APC: variants seen among roughly 807,000 people sequenced by gnomAD.
APC encodes adenomatous polyposis coli protein.
In APC, 72 loss-of-function variants were observed where a neutral mutation model predicts 247.0. The ratio of observed to expected loss-of-function variants is 0.29; its 90% CI spans 0.24 to 0.35. APC has a LOEUF of 0.35. APC is among the 10% of genes least tolerant of loss of function. The pLI, the probability that APC is intolerant of heterozygous loss-of-function variation, is 1.00. For missense variants in APC, 3,400 were observed against 3,360.7 expected (o/e 1.01, Z -0.29); for synonymous variants, 1,254 against 1,162.5 (o/e 1.08, Z -1.60).
intron 4 of APC, among the ~76,000 whole-genome samples, chr5:112,774,464 A>ATT (rs35554771): frequency 0.37 from 44,630 of 121,080 alleles, 10,097 homozygotes; most frequent in East Asian, 0.6. Flanking sequence ...TGCAAGATCG[A>ATT]TTTTTTTTTT....
At chr5:112,707,743 C>T (rs1342657032) in exon 1 of APC, 2 of 1,370,650 alleles carry the variant, frequency 1.5e-6, no homozygotes, top group Non-Finnish European at 1.9e-6. Context: ...GGCTCGGGTC[C>T]GGTCGCCCCT....
At chr5:112,757,914 T>G (rs944170390) in intron 2 of APC, among the ~76,000 whole-genome samples, 1 of 152,146 alleles carries the variant, frequency 6.6e-6, no homozygotes, top group African/African-American at 2.4e-5. Context: ...AGTATAATGA[T>G]ATTATTGTGT....
At chr5:112,726,557 G>T (rs777575890) in intron 1 of APC, among the ~76,000 whole-genome samples, 3 of 152,128 alleles carry the variant, frequency 2.0e-5, no homozygotes, top group Non-Finnish European at 4.4e-5. Flanking sequence ...AGGATAAGGG[G>T]ACATGGCAGA....
At chr5:112,717,697 T>C (rs573009153) in intron 1 of APC, among the ~76,000 whole-genome samples, 114 of 152,250 alleles carry the variant, frequency 7.5e-4, no homozygotes, top group Non-Finnish European at 1.4e-3. Context: ...GCTTTGGCTT[T>C]CTGTTTTACT....
chr5:112,770,342 C>A (rs963925380), intron 4 of APC, among the ~76,000 whole-genome samples: 1 of 152,070 alleles, frequency 6.6e-6, no homozygotes, highest in Non-Finnish European at 1.5e-5. Flanking sequence ...TTATATAATA[C>A]CACTGTAAGT....
At chr5:112,737,193 A>G (rs1752446323), upstream of APC, among the ~76,000 whole-genome samples, 2 of 152,138 alleles carry the variant, frequency 1.3e-5, no homozygotes, top group African/African-American at 4.8e-5. Context: ...TAAATACTTC[A>G]TATATATTAA....
At chr5:112,730,779 G>A (rs1752060037) in intron 1 of APC, among the ~76,000 whole-genome samples, 1 of 152,030 alleles carries the variant, frequency 6.6e-6, no homozygotes, top group African/African-American at 2.4e-5. Flanking sequence ...GGTTAAGTGA[G>A]AAATGTTAAT....
rs1754306849 is a variant in APC, at chr5:112,751,079, G to A, written c.-18-3794G>A. On this transcript the variant is annotated intron_variant, in intron 1 of 15. Coordinates refer to ENST00000257430, the MANE Select transcript of APC (RefSeq NM_000038.6). ...GTTGATCTATTCATGTACTGGTATT[G>A]TAGCTTTTTAAAAAACTTTTAATTT... Among the ~76,000 whole-genome samples, 5 of 152,036 alleles carry A rather than the reference G, an allele frequency of 3.3e-5. No individual in the cohort carries two copies. In the South Asian group the frequency reaches 1.0e-3, roughly 32 times the overall value.
intron 1 of APC, among the ~76,000 whole-genome samples, chr5:112,708,914 A>G (rs991491904): frequency 3.9e-5 from 6 of 152,190 alleles, no homozygotes; most frequent in African/African-American, 1.2e-4. Context: ...GTCCTAAATA[A>G]CGTAGTACCT....
chr5:112,717,902 C>CTTTTT (rs1289888067), intron 1 of APC, among the ~76,000 whole-genome samples: 3 of 22,300 alleles, frequency 1.3e-4, no homozygotes, highest in African/African-American at 4.6e-4. Flanking sequence ...TTTTCTTTTT[C>CTTTTT]TTTTTCTTTT....
intron 7 of APC, among the ~76,000 whole-genome samples, chr5:112,796,830 C>T (rs1331161919): frequency 6.6e-6 from 1 of 151,568 alleles, no homozygotes; most frequent in Non-Finnish European, 1.5e-5. Flanking sequence ...TTAGTTCTTT[C>T]CCCCCCATCT....
intron 6 of APC, among the ~76,000 whole-genome samples, chr5:112,783,516 G>A (rs1303593353): frequency 6.6e-6 from 1 of 151,772 alleles, no homozygotes; most frequent in Non-Finnish European, 1.5e-5. Context: ...AACCATGCCA[G>A]GCATGGTGAT....
At chr5:112,776,986 A>G (rs759796190) in intron 5 of APC, among the ~76,000 whole-genome samples, 15 of 152,240 alleles carry the variant, frequency 9.9e-5, no homozygotes, top group Admixed American at 2.0e-4. Flanking sequence ...AGCAATGGTA[A>G]CATTTTTCAT....
At chr5:112,806,183 T>G (rs981255256) in intron 8 of APC, among the ~76,000 whole-genome samples, 1 of 152,226 alleles carries the variant, frequency 6.6e-6, no homozygotes, top group Non-Finnish European at 1.5e-5. Context: ...ACAGATCAAA[T>G]CTCACTACCA....
chr5:112,799,257 C>T (rs1267870474), intron 7 of APC, among the ~76,000 whole-genome samples: 1 of 151,480 alleles, frequency 6.6e-6, no homozygotes, highest in East Asian at 1.9e-4. Context: ...ATCTGTTCCT[C>T]CTAAGCCCTC....
intron 1 of APC, among the ~76,000 whole-genome samples, chr5:112,727,684 CTT>C (rs950365133): frequency 5.9e-5 from 9 of 151,996 alleles, no homozygotes; most frequent in African/African-American, 2.2e-4. Context: ...GGGAAAAAGA[CTT>C]TAAAAAAATC....
rs587780600 is a variant in APC, at chr5:112,841,395, C to T, written c.5801C>T (p.Pro1934Leu). The change falls in exon 16 of 16, where the codon CCC becomes CTC. Residue 1934 changes from proline (P) to leucine (L), a missense_variant. Around this residue, in one of 9 missense-constraint regions of APC, gnomAD observed 1,788 missense variants for 1,649.5 expected, o/e 1.08. Coordinates refer to ENST00000257430, the MANE Select transcript of APC (RefSeq NM_000038.6). The surrounding 1 kb of genome is among the most constrained non-coding windows in gnomAD (Gnocchi z 4.6). ...ATACTTCAGAAACAATCCACTTTTC[C>T]CCAGTCATCCAAAGACATACCAGAC... The part of the protein sequence containing the change: ...KPILQKQSTF[P>L]QSSKDIPDRG... 1.4e-4 allele frequency: 222 copies of T among 1,613,812 alleles called. No individual in the cohort carries two copies. The highest frequency in any genetic ancestry group is 3.3e-4 in the Admixed American group (20 of 60,014).
chr5:112,784,250 T>G (rs1324161848), intron 6 of APC, among the ~76,000 whole-genome samples: 1 of 152,172 alleles, frequency 6.6e-6, no homozygotes, highest in African/African-American at 2.4e-5. Flanking sequence ...GTATTTTTAG[T>G]AGAAACAGGG....
chr5:112,750,174 A>T (rs969610948), intron 1 of APC, among the ~76,000 whole-genome samples: 1 of 151,296 alleles, frequency 6.6e-6, no homozygotes. Context: ...TGTTGGCCAG[A>T]CTGGTCTTGA....
Sources: gnomAD v4.1 joint callset for allele counts (sites outside exome capture counted in the v4.1 genomes callset) on GRCh38, gnomAD v4.1.1 for gene constraint, gnomAD v4.1.1 regional missense constraint, Gnocchi (gnomAD v3.1) non-coding constraint, MANE v1.5 for transcripts, NCBI Gene and HGNC (gene_info 2026-07-23, HGNC 2026-07-21) for gene names.